Variants in WT1 observed in about 807,000 individuals in gnomAD.
WT1 encodes Wilms tumor protein.
A neutral mutation model predicts 60.8 loss-of-function variants in WT1; 8 were observed. The observed-to-expected ratio is 0.13, with a 90% CI of 0.08 to 0.24. The LOEUF (loss-of-function observed/expected upper bound fraction) is 0.24. Among genes scored for constraint, WT1 ranks in the 10% least tolerant of loss-of-function variants. WT1 has a pLI of 1.00. For synonymous variants in WT1, 312 were observed against 297.1 expected (o/e 1.05, Z -0.52); for missense variants, 568 against 711.8 (o/e 0.80, Z 2.30).
intron 5 of WT1, among the ~76,000 whole-genome samples, chr11:32,413,465 C>T (rs929428459): frequency 1.3e-5 from 2 of 152,176 alleles, no homozygotes; most frequent in African/African-American, 4.8e-5. Context: ...ATTGGTCTCC[C>T]CTGGGGAAAG....
intron 9 of WT1, among the ~76,000 whole-genome samples, chr11:32,391,019 C>A (rs1460087784): frequency 1.3e-5 from 2 of 152,138 alleles, no homozygotes; most frequent in African/African-American, 4.8e-5. Flanking sequence ...TGCTCTGTTG[C>A]TTGGGTTGGA....
At chr11:32,391,111 A>G (rs933293010) in intron 9 of WT1, among the ~76,000 whole-genome samples, 1 of 152,020 alleles carries the variant, frequency 6.6e-6, no homozygotes, top group Non-Finnish European at 1.5e-5. Context: ...GCCTCCCCCA[A>G]ATAGCTGGGA....
chr11:32,416,601 C>T, intron 4 of WT1, 61 bp from the exon 5 acceptor site: 1 of 1,596,994 alleles, frequency 6.3e-7, no homozygotes, highest in African/African-American at 1.3e-5. Flanking sequence ...GGCAAGCCCC[C>T]CAGATCCCAG....
At chr11:32,405,003 C>T (rs1289387643) in intron 5 of WT1, among the ~76,000 whole-genome samples, 3 of 152,118 alleles carry the variant, frequency 2.0e-5, no homozygotes, top group Non-Finnish European at 4.4e-5. Flanking sequence ...ATGAATTTCC[C>T]GGTTATTGGA....
chr11:32,415,456 C>A (rs1852637269), intron 5 of WT1, among the ~76,000 whole-genome samples: 1 of 152,216 alleles, frequency 6.6e-6, no homozygotes, highest in African/African-American at 2.4e-5. Context: ...TGACACCAGA[C>A]TGACCAACAT....
intron 3 of WT1, among the ~76,000 whole-genome samples, chr11:32,418,680 G>A (rs1852758316): frequency 6.6e-6 from 1 of 152,178 alleles, no homozygotes; most frequent in Non-Finnish European, 1.5e-5. Flanking sequence ...GCTTCACTGG[G>A]CAGAGGCAAC....
intron 1 of WT1, chr11:32,430,558 G>A (rs748347306): frequency 1.2e-6 from 2 of 1,610,152 alleles, no homozygotes. Flanking sequence ...CCAGGAGTAG[G>A]CAGGGACCCA....
At chr11:32,416,589 C>A (rs1254288319) in intron 4 of WT1, 49 bp from the exon 5 acceptor site, 3 of 1,610,504 alleles carry the variant, frequency 1.9e-6, no homozygotes, top group Non-Finnish European at 8.5e-7. Context: ...ATGCATGGAT[C>A]TGGCAAGCCC....
At chr11:32,425,709 G>C (rs929010556) in intron 3 of WT1, among the ~76,000 whole-genome samples, 4 of 152,142 alleles carry the variant, frequency 2.6e-5, no homozygotes, top group Non-Finnish European at 5.9e-5. Flanking sequence ...ATTCTTTTTT[G>C]AGATGTTACT....
chr11:32,402,596 A>G (rs1405496045), intron 5 of WT1, among the ~76,000 whole-genome samples: 1 of 152,148 alleles, frequency 6.6e-6, no homozygotes. Context: ...CCCAGGCTGG[A>G]ATGTAGTGGT....
intron 7 of WT1, among the ~76,000 whole-genome samples, chr11:32,396,056 A>G (rs1311223015): frequency 1.3e-5 from 2 of 152,224 alleles, no homozygotes; most frequent in Admixed American, 6.5e-5. Flanking sequence ...TCTGGAAGAC[A>G]GTTTACTGAC....
At chr11:32,415,381 G>A (rs5030223) in intron 5 of WT1, among the ~76,000 whole-genome samples, 19 of 152,240 alleles carry the variant, frequency 1.2e-4, no homozygotes, top group Admixed American at 2.0e-4. Context: ...AGGCACGGTG[G>A]CTCACGCCTG....
At chr11:32,414,092 C>T (rs1852588194) in intron 5 of WT1, among the ~76,000 whole-genome samples, 1 of 152,122 alleles carries the variant, frequency 6.6e-6, no homozygotes, top group Admixed American at 6.6e-5. Context: ...AGCGGAAATT[C>T]GTGGATTTAC....
chr11:32,400,320 A>C (rs879682755), intron 5 of WT1: 1 of 516,412 alleles, frequency 1.9e-6, no homozygotes, highest in Admixed American at 3.1e-5. Flanking sequence ...GCCGAGGAAG[A>C]CCACAGTGGC....
intron 5 of WT1, among the ~76,000 whole-genome samples, chr11:32,408,523 A>T (rs1176743754): frequency 1.0e-5 from 1 of 98,510 alleles, no homozygotes; most frequent in Non-Finnish European, 2.1e-5. Flanking sequence ...TTAAAAAAAA[A>T]AAAAAAAAAA....
intron 3 of WT1, among the ~76,000 whole-genome samples, chr11:32,419,004 C>T (rs1852769634): frequency 6.6e-6 from 1 of 152,174 alleles, no homozygotes; most frequent in African/African-American, 2.4e-5. Context: ...GACGCCGTCA[C>T]TCATCCCCGT....
intron 5 of WT1, among the ~76,000 whole-genome samples, chr11:32,402,288 C>A (rs1852181428): frequency 6.6e-6 from 1 of 152,176 alleles, no homozygotes; most frequent in African/African-American, 2.4e-5. Context: ...GGCAAAAATG[C>A]CAAACCCAAA....
At chr11:32,400,337 T>C (rs995554255) in intron 5 of WT1, 11 of 483,998 alleles carry the variant, frequency 2.3e-5, no homozygotes, top group African/African-American at 2.1e-4. Flanking sequence ...TGGCAGGGTT[T>C]CATCCTCGGC....
chr11:32,403,489 A>G (rs561772190), intron 5 of WT1, among the ~76,000 whole-genome samples: 1 of 152,114 alleles, frequency 6.6e-6, no homozygotes, highest in East Asian at 1.9e-4. Context: ...AAGATAGCCC[A>G]TTCCATTTTA....
Sources: allele counts gnomAD v4.1 joint callset (sites outside exome capture counted in the v4.1 genomes callset), GRCh38; gene constraint gnomAD v4.1.1; transcripts MANE v1.5; gene names NCBI Gene and HGNC (gene_info 2026-07-23, HGNC 2026-07-21).